PDGFRB: variants seen among roughly 807,000 people sequenced by gnomAD.
PDGFRB encodes the protein platelet-derived growth factor receptor beta.
PDGFRB carries 42 observed loss-of-function variants against 120.2 expected under a neutral mutation model. The observed-to-expected ratio is 0.35, with a 90% CI of 0.27 to 0.45. The LOEUF (loss-of-function observed/expected upper bound fraction) is 0.45, where lower values mean the gene tolerates loss of function less well. Ranked by LOEUF, PDGFRB falls within the 20% of genes least tolerant of loss-of-function variation. PDGFRB has a pLI of 1.00. For synonymous variants in PDGFRB, 586 were observed against 606.8 expected, an observed-to-expected ratio of 0.97 and a Z score of 0.50; for missense variants, 1,149 against 1,476.3, an observed-to-expected ratio of 0.78 and a Z score of 3.63.
chr5:150,116,069 T>A, intron 22 of PDGFRB, 123 bp from the exon 23 acceptor site: 1 of 794,658 alleles, frequency 1.3e-6, no homozygotes, highest in Non-Finnish European at 1.9e-6. Flanking sequence ...CCGGCTCATT[T>A]AACTCTTGTG....
rs1760499738 is a variant in PDGFRB, at chr5:150,132,685, AG to A, written c.1127+64del. ...GGCCTAGGTTTGTGGCTGAAAGCCG[AG>A]GGCTGCCTGGCGGCTGCAAAGAAAA... On this transcript the variant is annotated intron_variant, in intron 7 of 22. Transcript: ENST00000261799. This position sits in a 1 kb window ranked among gnomAD's most constrained non-coding sequence, Gnocchi z 5.0. The A allele has an allele frequency of 1.3e-6, 2 of 1,487,768 alleles. No individual in the cohort carries two copies. The highest frequency in any genetic ancestry group is 3.9e-5 in the Admixed American group (2 of 51,916). 92.2% of individuals were successfully genotyped at this position (1,487,768 alleles called of 1,614,324 possible).
chr5:150,119,862 C>T (rs1760073803), intron 19 of PDGFRB, 150 bp downstream of exon 19: 5 of 642,778 alleles, frequency 7.8e-6, no homozygotes, highest in African/African-American at 3.6e-5. Flanking sequence ...TTGCTAACAT[C>T]ACACAGCAGG....
At chr5:150,154,043 A>G (rs1165039879) in intron 1 of PDGFRB, 1 of 152,192 alleles carries the variant, frequency 6.6e-6, no homozygotes, top group Non-Finnish European at 1.5e-5. Flanking sequence ...GGGCCTGAAC[A>G]ATCTCTGATG....
chr5:150,138,901 G>A (rs867102510), intron 1 of PDGFRB, among the ~76,000 whole-genome samples: 2 of 152,246 alleles, frequency 1.3e-5, no homozygotes, highest in African/African-American at 4.8e-5. Flanking sequence ...CAGTCTCCCT[G>A]GCTGGCCACA....
intron 1 of PDGFRB, 119 bp from the exon 2 acceptor site, chr5:150,137,172 G>A (rs1760657356): frequency 1.3e-6 from 1 of 752,900 alleles, no homozygotes; most frequent in South Asian, 1.8e-5. Context: ...TCATGTCCGA[G>A]GGGCTGAAGT....
At chr5:150,117,546 A>AGACG in intron 22 of PDGFRB, 72 bp downstream of exon 22, 2 of 419,152 alleles carry the variant, frequency 4.8e-6, no homozygotes, top group Non-Finnish European at 7.5e-6. Flanking sequence ...GCGCGCGCGC[A>AGACG]CACACACACA....
chr5:150,154,731 T>G (rs555236832), intron 1 of PDGFRB, among the ~76,000 whole-genome samples: 1 of 152,280 alleles, frequency 6.6e-6, no homozygotes, highest in Non-Finnish European at 1.5e-5. Flanking sequence ...GGCTGACCCC[T>G]TCTTCACAGA....
Position 150,131,968 on chromosome 5 carries a change from G to A in PDGFRB, c.1243+11C>T, listed in dbSNP as rs376952077. 54 of 1,356,758 alleles carry A rather than the reference G, an allele frequency of 4.0e-5. No individual in the cohort carries two copies. Among genetic ancestry groups the A allele is most frequent in the African/African-American group, 1.7e-4 (12 of 69,888 alleles). 84.0% of individuals were successfully genotyped at this position (1,356,758 alleles called of 1,614,324 possible). ...AAGGAGCAGGGACATGGCGAGGGGC[G>A]TGCTCATCACCATTGATCTGTAGCT... On this transcript the variant is annotated intron_variant, in intron 8 of 22. Coordinates refer to ENST00000261799, the MANE Select transcript of PDGFRB (RefSeq NM_002609.4).
At chr5:150,125,997 T>G (rs1346685254) in intron 11 of PDGFRB, among the ~76,000 whole-genome samples, 3 of 152,238 alleles carry the variant, frequency 2.0e-5, no homozygotes, top group Admixed American at 1.3e-4. Context: ...CTTAGAATGT[T>G]GACATCTTAA....
chr5:150,146,505 C>T lies in PDGFRB; in HGVS notation c.-7+8892G>A, dbSNP rs551568656. 9.2e-5 allele frequency among the ~76,000 whole-genome samples: 14 copies of T among 152,248 alleles called. No individual in the cohort carries two copies. In the South Asian group the frequency reaches 1.2e-3, roughly 14 times the overall value. ...ACACAATAAGTAAGATGCAAAGGAA[C>T]GGGAATGCAAACTCAGGCCGGCCTG... On this transcript the variant is annotated intron_variant, in intron 1 of 22. Transcript: ENST00000261799.
Position 150,117,626 on chromosome 5 carries a change from G to C in PDGFRB, c.3129C>G (p.Ser1043Arg). 6.2e-7 allele frequency: 1 copy of C among 1,602,052 alleles called. No individual in the cohort carries two copies. Among genetic ancestry groups the C allele is most frequent in the Non-Finnish European group, 8.6e-7 (1 of 1,169,446 alleles). Residue 1043 changes from serine to arginine, a missense_variant, in exon 22 of 23, where the codon AGC becomes AGG. By Grantham distance (110) the Ser-to-Arg change is moderately radical. Coordinates refer to ENST00000261799, the MANE Select transcript of PDGFRB (RefSeq NM_002609.4). ...ADEGPLEGSP[S>R]LASSTLNEVN... is the part of the protein sequence containing the mutation. ...CAGGCCAGGGTGGTTACCTGGCTAGGCTGGGGGAACCCTCCAGTGGGCCCT... is the reference window on the plus strand; with the variant it reads ...CAGGCCAGGGTGGTTACCTGGCTAGCCTGGGGGAACCCTCCAGTGGGCCCT...
intron 21 of PDGFRB, 81 bp from the exon 22 acceptor site, chr5:150,117,931 T>A: frequency 1.3e-6 from 1 of 772,298 alleles, no homozygotes. Context: ...ACCGAGCCCA[T>A]CCCCCTTTGT....
chr5:150,133,861 C>G lies in PDGFRB; in HGVS notation c.759+20G>C. The G allele has an allele frequency of 1.9e-6, 3 of 1,614,082 alleles. No homozygotes were observed. Among genetic ancestry groups the G allele is most frequent in the Non-Finnish European group, 2.5e-6 (3 of 1,179,956 alleles). ...CCCGTTCCTGGCCCCTCCTCCGACC[C>G]CTGCCTGGCCCCACATTACTTCTTT... On this transcript the variant is annotated intron_variant, in intron 5 of 22. Transcript: ENST00000261799.
rs935052130 is a variant in PDGFRB, at chr5:150,125,945, G to A, written c.1675-368C>T. ...CCAGGTAGGGTACTCGGCTGGATGC[G>A]GATGGCCCTCCCCAGTGCTGGGCAA... On this transcript the variant is annotated intron_variant, in intron 11 of 22. Transcript: ENST00000261799. 1.1e-4 allele frequency among the ~76,000 whole-genome samples: 16 copies of A among 152,192 alleles called. No homozygotes were observed. In the South Asian group the frequency reaches 1.4e-3, roughly 14 times the overall value.
chr5:150,154,676 G>A (rs536832722), intron 1 of PDGFRB, among the ~76,000 whole-genome samples: 3 of 152,284 alleles, frequency 2.0e-5, no homozygotes, highest in South Asian at 4.1e-4. Context: ...GGGAGACAAC[G>A]AGGAGGCCTG....
intron 1 of PDGFRB, among the ~76,000 whole-genome samples, chr5:150,154,657 C>T (rs569496810): frequency 3.9e-5 from 6 of 152,216 alleles, no homozygotes; most frequent in South Asian, 4.2e-4. Flanking sequence ...GGGGTAGAGT[C>T]CAGAAGGAGG....
At chr5:150,123,780 C>A (rs752386075) in intron 14 of PDGFRB, among the ~76,000 whole-genome samples, 5 of 152,160 alleles carry the variant, frequency 3.3e-5, no homozygotes, top group Admixed American at 2.0e-4. Flanking sequence ...TCACAATAAG[C>A]AGCTGCAAAT....
In PDGFRB at chr5:150,132,082, C is replaced by A; in HGVS notation, c.1140G>T (p.Glu380Asp). 1.3e-6 allele frequency: 2 copies of A among 1,582,788 alleles called. No individual in the cohort carries two copies. The highest frequency in any genetic ancestry group is 8.7e-7 in the Non-Finnish European group (1 of 1,151,404). ...RNVSETRYVS[E>D]LTLVRVKVAE... ...CCACCTTCACGCGAACCAGTGTCAG[C>A]TCTGACACATACCTGGGGAGCAGGA... The change falls in exon 8 of 23, where the codon GAG becomes GAT. Residue 380 changes from glutamate to aspartate, a missense_variant. Transcript: ENST00000261799. This position sits in a 1 kb window ranked among gnomAD's most constrained non-coding sequence, Gnocchi z 5.0.
intron 21 of PDGFRB, among the ~76,000 whole-genome samples, chr5:150,118,450 G>A (rs757070941): frequency 3.9e-5 from 6 of 152,132 alleles, no homozygotes; most frequent in East Asian, 1.9e-4. Flanking sequence ...GGAGCCCCAC[G>A]GTTCGGTATG....
Sources: allele counts gnomAD v4.1 joint callset (sites outside exome capture counted in the v4.1 genomes callset), GRCh38; gene constraint gnomAD v4.1.1; non-coding constraint Gnocchi (gnomAD v3.1); transcripts MANE v1.5; gene names NCBI Gene and HGNC (gene_info 2026-07-23, HGNC 2026-07-21).